Variants in DYNC2I1 observed in about 807,000 individuals in gnomAD.
DYNC2I1 encodes dynein 2 intermediate chain 1.
DYNC2I1 carries 89 observed loss-of-function variants against 133.4 expected under a neutral mutation model. That is an observed-to-expected ratio of 0.67 (90% CI 0.56 to 0.80). The LOEUF (loss-of-function observed/expected upper bound fraction) is 0.80. Among genes scored for constraint, DYNC2I1 ranks in the 30% least tolerant of loss-of-function variants. DYNC2I1 has a pLI of 0.00. For synonymous variants in DYNC2I1, 504 were observed against 484.3 expected (o/e 1.04, Z -0.54); for missense variants, 1,291 against 1,314.5 (o/e 0.98, Z 0.28).
In DYNC2I1 at chr7:158,871,214, G is replaced by A. The variant is rs374810936; in HGVS notation, c.142G>A (p.Asp48Asn). The A allele has an allele frequency of 2.5e-6, 4 of 1,613,568 alleles. No homozygotes were observed. Among genetic ancestry groups the A allele is most frequent in the Non-Finnish European group, 3.4e-6 (4 of 1,179,742 alleles). Residue 48 changes from aspartate (D) to asparagine (N), a missense_variant, in exon 3 of 25, where the codon GAC becomes AAC. Transcript: ENST00000407559. ...EKKLRKESEMDLPEHKEPRCR... is the reference protein window; with the variant it reads ...EKKLRKESEMNLPEHKEPRCR... ...GAAGCTGCGTAAGGAGTCTGAGATG[G>A]ACCTTCCTGAACATAAGGAGCCGAG...
Position 158,901,819 on chromosome 7 carries a change from A to G in DYNC2I1, c.1137+3A>G, listed in dbSNP as rs1846286583. The stretch of plus-strand genomic sequence containing the variant: ...CCAGTTGTGAAGATGATTTTGAAGT[A>G]TGTATAAAAGTTAAAACTTTCCTTA... On this transcript the variant is annotated splice_donor_region_variant and intron_variant, in intron 9 of 24. Coordinates refer to ENST00000407559, the MANE Select transcript of DYNC2I1 (RefSeq NM_018051.5). 5.8e-6 allele frequency: 9 copies of G among 1,558,048 alleles called. No homozygotes were observed. The highest frequency in any genetic ancestry group is 1.4e-5 in the African/African-American group (1 of 73,634).
At chr7:158,950,786 T>C (rs1287368088), downstream of DYNC2I1, among the ~76,000 whole-genome samples, 2 of 149,130 alleles carry the variant, frequency 1.3e-5, no homozygotes, top group African/African-American at 5.0e-5. Flanking sequence ...AGGTGTTCTA[T>C]ATGATTCCAG....
upstream of DYNC2I1, among the ~76,000 whole-genome samples, chr7:158,854,131 A>C (rs1031304282): frequency 9.9e-5 from 15 of 152,184 alleles, no homozygotes; most frequent in African/African-American, 3.1e-4. Context: ...GGGGGTCACA[A>C]GACCAGATGA....
chr7:158,871,705 T>C (rs1842901687), intron 3 of DYNC2I1, 143 bp downstream of exon 3: 1 of 1,018,236 alleles, frequency 9.8e-7, no homozygotes. Context: ...AGGGTCTTGC[T>C]CTGCCCCCAG....
intron 23 of DYNC2I1, among the ~76,000 whole-genome samples, chr7:158,937,484 G>A (rs1318984856): frequency 6.6e-6 from 1 of 152,144 alleles, no homozygotes; most frequent in African/African-American, 2.4e-5. Context: ...AAATTAGCCT[G>A]GCGTGGTGGC....
intron 8 of DYNC2I1, among the ~76,000 whole-genome samples, chr7:158,899,707 G>T (rs1206920210): frequency 2.6e-5 from 4 of 152,118 alleles, no homozygotes; most frequent in African/African-American, 9.7e-5. Context: ...GGTTTATCAG[G>T]GGTTTCTGCT....
At chr7:158,892,473 G>A (rs1845321230) in intron 8 of DYNC2I1, among the ~76,000 whole-genome samples, 2 of 151,862 alleles carry the variant, frequency 1.3e-5, no homozygotes, top group Non-Finnish European at 2.9e-5. Flanking sequence ...TCAGGGGCTC[G>A]CTCTGTTGCC....
In DYNC2I1 at chr7:158,884,799, C is replaced by T. The variant is rs117006797; in HGVS notation, c.935+180C>T. Among the ~76,000 whole-genome samples, 112 of 152,278 alleles carry T rather than the reference C, an allele frequency of 7.4e-4. 1 individual carries two copies. The East Asian group carries it at 0.019, about 26-fold the overall frequency. On this transcript the variant is annotated intron_variant, in intron 6 of 24. Coordinates refer to ENST00000407559, the MANE Select transcript of DYNC2I1 (RefSeq NM_018051.5). ...AATGGGTTGGTAGGTTTTTGGAATA[C>T]TGGAGGAGCTTGGAAACTTAATATA...
At chr7:158,915,291 A>C (rs1364674936) in intron 14 of DYNC2I1, among the ~76,000 whole-genome samples, 2 of 152,196 alleles carry the variant, frequency 1.3e-5, no homozygotes, top group East Asian at 3.8e-4. Context: ...GTTGAGATTA[A>C]GGATGATTGT....
intron 4 of DYNC2I1, among the ~76,000 whole-genome samples, chr7:158,951,825 C>T (rs1852060600): frequency 6.6e-6 from 1 of 152,216 alleles, no homozygotes; most frequent in Non-Finnish European, 1.5e-5. Context: ...CTCCTACCTC[C>T]CTGCATCCAA....
chr7:158,942,708 A>AG (rs1851493610), intron 24 of DYNC2I1, among the ~76,000 whole-genome samples: 2 of 152,200 alleles, frequency 1.3e-5, no homozygotes, highest in South Asian at 4.1e-4. Context: ...TAGTGTCTAA[A>AG]GGGGGAAAGG....
At position 158,860,201 on chromosome 7, in the gene DYNC2I1, A is replaced by T. The variant is rs114067292; in HGVS notation, c.15+3451A>T. Reference sequence around the variant, plus strand: ...CTCGCAAGTAGCTGAGATTACAGGCATGCACCACTATGCTGGGCTAATTTT... The same window carrying T: ...CTCGCAAGTAGCTGAGATTACAGGCTTGCACCACTATGCTGGGCTAATTTT... On this transcript the variant is annotated intron_variant, in intron 1 of 24. Transcript: ENST00000407559. 6.1e-3 allele frequency among the ~76,000 whole-genome samples: 930 copies of T among 152,132 alleles called. 20 individuals are homozygous for T. The highest frequency in any genetic ancestry group is 0.022 in the African/African-American group (905 of 41,512).
rs146523729 is a variant in DYNC2I1 at position 158,929,164 on chromosome 7, G to C, written c.2486-1291G>C. On this transcript the variant is annotated intron_variant, in intron 20 of 24. Coordinates refer to ENST00000407559, the MANE Select transcript of DYNC2I1 (RefSeq NM_018051.5). The stretch of plus-strand genomic sequence containing the variant: ...TGCCTTTAGGAAGGGAGGACGTTCC[G>C]ACCAGCCCGTTGTTCAGGGTGGCTG... Among the ~76,000 whole-genome samples the C allele has an allele frequency of 2.8e-3, 430 of 152,274 alleles. 3 individuals carry two copies. Among genetic ancestry groups the C allele is most frequent in the African/African-American group, 9.9e-3 (411 of 41,540 alleles).
At chr7:158,879,251 G>A (rs1843745196) in intron 4 of DYNC2I1, among the ~76,000 whole-genome samples, 1 of 152,026 alleles carries the variant, frequency 6.6e-6, no homozygotes, top group Admixed American at 6.6e-5. Flanking sequence ...GAGTGAAGGG[G>A]GCAGTGGTAG....
chr7:158,937,315 A>G (rs955432943), intron 23 of DYNC2I1, among the ~76,000 whole-genome samples: 2 of 152,354 alleles, frequency 1.3e-5, no homozygotes, highest in Non-Finnish European at 1.5e-5. Flanking sequence ...AGGTGAGATC[A>G]AAACAGGCTA....
At chr7:158,891,442 C>G in intron 8 of DYNC2I1, 109 bp downstream of exon 8, 2 of 1,201,250 alleles carry the variant, frequency 1.7e-6, no homozygotes, top group South Asian at 2.5e-5. Context: ...TTGTCCCTTT[C>G]AGACAGCAGA....
chr7:158,888,197 G>A (rs571178537), intron 7 of DYNC2I1, among the ~76,000 whole-genome samples: 4 of 151,620 alleles, frequency 2.6e-5, no homozygotes, highest in African/African-American at 7.3e-5. Flanking sequence ...GCTAATTTTT[G>A]TATTTATAGT....
At chr7:158,854,191 C>A (rs1171518593), upstream of DYNC2I1, among the ~76,000 whole-genome samples, 1 of 152,090 alleles carries the variant, frequency 6.6e-6, no homozygotes, top group Non-Finnish European at 1.5e-5. Context: ...AGTGAAGGGA[C>A]TGAAAAATGT....
At position 158,856,912 on chromosome 7, in the gene DYNC2I1, C is replaced by G. The variant is rs868381618; in HGVS notation, c.15+162C>G. Among the ~76,000 whole-genome samples the G allele has an allele frequency of 1.4e-3, 211 of 152,126 alleles. 4 individuals carry two copies. Among genetic ancestry groups the G allele is most frequent in the Middle Eastern group, 6.8e-3 (2 of 292 alleles). On this transcript the variant is annotated intron_variant, in intron 1 of 24. Coordinates refer to ENST00000407559, the MANE Select transcript of DYNC2I1 (RefSeq NM_018051.5). ...GGTGCCTCCGAGGCAGGAAGGGAAACGGAGGCGCGGCTGGCCGTCGGCGCG... is the reference window on the plus strand; with the variant it reads ...GGTGCCTCCGAGGCAGGAAGGGAAAGGGAGGCGCGGCTGGCCGTCGGCGCG...
Sources: gnomAD v4.1 joint callset for allele counts (sites outside exome capture counted in the v4.1 genomes callset) on GRCh38, gnomAD v4.1.1 for gene constraint, MANE v1.5 for transcripts, NCBI Gene and HGNC (gene_info 2026-07-23, HGNC 2026-07-21) for gene names.